The following SLC6A17 variants were observed in gnomAD, a reference collection of about 807,000 sequenced individuals.
The protein encoded by SLC6A17 is solute carrier family 6 member 17, also known as sodium-dependent neutral amino acid transporter SLC6A17.
In SLC6A17, 21 loss-of-function variants were observed where a neutral mutation model predicts 64.5. That is an observed-to-expected ratio of 0.33 (90% CI 0.23 to 0.47). The LOEUF (loss-of-function observed/expected upper bound fraction) is 0.47, where lower values mean the gene tolerates loss of function less well. Among genes scored for constraint, SLC6A17 ranks in the 20% least tolerant of loss-of-function variants. The pLI is 1.00. For synonymous variants in SLC6A17, 372 were observed against 399.5 expected (o/e 0.93, Z 0.82); for missense variants, 682 against 963.2 (o/e 0.71, Z 3.86).
In SLC6A17 at chr1:110,194,724, C is replaced by G; in HGVS notation, c.1445C>G (p.Thr482Ser). The G allele has an allele frequency of 6.2e-7, 1 of 1,614,172 alleles. No homozygotes were observed. Among genetic ancestry groups the G allele is most frequent in the Non-Finnish European group, 8.5e-7 (1 of 1,180,036 alleles). ...ATGATCGGGACCATGGCAGGCATCA[C>G]CACGCCCATCATCGACACCTTCAAG... The part of the protein sequence containing the change: ...GSMIGTMAGI[T>S]TPIIDTFKVP... The change falls in exon 9 of 12, where the codon ACC becomes AGC. Residue 482 changes from threonine (T) to serine (S), a missense_variant. Around this residue, in one of 3 missense-constraint regions of SLC6A17, gnomAD observed 264 missense variants for 339.5 expected, o/e 0.78. Coordinates refer to ENST00000331565, the MANE Select transcript of SLC6A17 (RefSeq NM_001010898.4).
At chr1:110,194,165 C>T (rs559751403) in intron 8 of SLC6A17, among the ~76,000 whole-genome samples, 8 of 152,298 alleles carry the variant, frequency 5.3e-5, no homozygotes, top group East Asian at 3.9e-4. Flanking sequence ...CATTGAGAGC[C>T]GAGGCTGAGA....
chr1:110,160,768 G>A (rs1215742102), intron 1 of SLC6A17, among the ~76,000 whole-genome samples: 1 of 152,186 alleles, frequency 6.6e-6, no homozygotes, highest in Non-Finnish European at 1.5e-5. Flanking sequence ...GGGAGGAAGT[G>A]GAAGCCGAGG....
At chr1:110,181,795 G>A (rs201871075) in intron 6 of SLC6A17, among the ~76,000 whole-genome samples, 2 of 8,510 alleles carry the variant, frequency 2.4e-4, no homozygotes, top group African/African-American at 1.2e-3. Context: ...AACAATGAGT[G>A]TGAAAAGGAC....
At chr1:110,167,388 A>T (rs1460989198) in intron 2 of SLC6A17, among the ~76,000 whole-genome samples, 173 bp downstream of exon 2, 4 of 152,148 alleles carry the variant, frequency 2.6e-5, no homozygotes, top group African/African-American at 7.2e-5. Flanking sequence ...AGCTACCAAG[A>T]GACTACAGGA....
intron 6 of SLC6A17, among the ~76,000 whole-genome samples, chr1:110,184,181 G>GC (rs1335292042): frequency 1.3e-5 from 2 of 152,138 alleles, no homozygotes; most frequent in Non-Finnish European, 2.9e-5. Flanking sequence ...CGTGATCTTG[G>GC]CTCACTGCAA....
At chr1:110,176,017 C>A (rs1489068498) in intron 5 of SLC6A17, among the ~76,000 whole-genome samples, 1 of 152,198 alleles carries the variant, frequency 6.6e-6, no homozygotes, top group Non-Finnish European at 1.5e-5. Flanking sequence ...ATTCTCTTAG[C>A]CTTTACACCA....
Position 110,192,188 on chromosome 1 carries a change from A to G in SLC6A17, c.1081A>G (p.Ile361Val), listed in dbSNP as rs758822378. 1.2e-6 allele frequency: 2 copies of G among 1,613,416 alleles called. No individual in the cohort carries two copies. Among genetic ancestry groups the G allele is most frequent in the African/African-American group, 1.3e-5 (1 of 74,914 alleles). The change falls in exon 7 of 12, where the codon ATC becomes GTC. Residue 361 changes from isoleucine to valine, a missense_variant. This residue lies in a region of SLC6A17 where 415 missense variants were observed against 603.8 expected (regional missense o/e 0.69). Coordinates refer to ENST00000331565, the MANE Select transcript of SLC6A17 (RefSeq NM_001010898.4). This position sits in a 1 kb window ranked among gnomAD's most constrained non-coding sequence, Gnocchi z 4.3. ...TGCTGTGCTGGGCTTCAAGGCCAAC[A>G]TCATGAATGAGAAGTGTGTGGTCGA... ...VFAVLGFKAN[I>V]MNEKCVVENA...
chr1:110,156,675 C>T (rs1557828387), intron 1 of SLC6A17, among the ~76,000 whole-genome samples: 1 of 152,156 alleles, frequency 6.6e-6, no homozygotes, highest in Non-Finnish European at 1.5e-5. Flanking sequence ...CACATGTAAG[C>T]ACAGTGGGTC....
chr1:110,180,034 G>A (rs997625774), intron 6 of SLC6A17, among the ~76,000 whole-genome samples: 2 of 152,178 alleles, frequency 1.3e-5, no homozygotes, highest in Non-Finnish European at 2.9e-5. Flanking sequence ...GATCCCTTGA[G>A]TCTAAGAGTT....
chr1:110,174,977 G>T lies in SLC6A17; in HGVS notation c.753+17G>T, dbSNP rs377380238. ...TCGGGGAAGGTGAGTGCTGAGGGGG[G>T]CACCCAGGACCCAAATGGGGAACAG... On this transcript the variant is annotated intron_variant, in intron 5 of 11. Transcript: ENST00000331565. The T allele has an allele frequency of 1.1e-5, 18 of 1,607,782 alleles. No individual in the cohort carries two copies. The African/African-American group carries it at 2.0e-4, about 18-fold the overall frequency.
intron 1 of SLC6A17, among the ~76,000 whole-genome samples, chr1:110,155,324 T>A (rs984041852): frequency 6.7e-6 from 1 of 148,914 alleles, no homozygotes; most frequent in South Asian, 2.1e-4. Flanking sequence ...GCAAATCCAG[T>A]TTTTTTTAAA....
chr1:110,191,651 T>C (rs1275597630), intron 6 of SLC6A17, among the ~76,000 whole-genome samples: 1 of 152,212 alleles, frequency 6.6e-6, no homozygotes, highest in Non-Finnish European at 1.5e-5. Context: ...TGACCATATG[T>C]GATGGCCTTG....
At chr1:110,191,930 C>T in intron 6 of SLC6A17, 42 bp from the exon 7 acceptor site, 1 of 1,597,150 alleles carries the variant, frequency 6.3e-7, no homozygotes, top group Non-Finnish European at 8.5e-7. Flanking sequence ...ACCATCCCCT[C>T]TGTGTCTCTT....
rs1182996832 is a variant in SLC6A17 at position 110,166,903 on chromosome 1, C to T, written c.-27C>T. 1 of 1,575,858 alleles carries T rather than the reference C, an allele frequency of 6.3e-7. No individual in the cohort carries two copies. Among genetic ancestry groups the T allele is most frequent in the Non-Finnish European group, 8.6e-7 (1 of 1,156,424 alleles). On this transcript the variant is annotated 5_prime_UTR_variant, in exon 2 of 12. Transcript: ENST00000331565. ...TCCATCTTCTCTGTGTGCTGGGGAG[C>T]AGGGCTACACGGCCCAGGTGGCATC...
chr1:110,189,917 G>A (rs1656782404), intron 6 of SLC6A17, among the ~76,000 whole-genome samples: 1 of 152,196 alleles, frequency 6.6e-6, no homozygotes, highest in African/African-American at 2.4e-5. Context: ...CAAGCACTGG[G>A]TGCCCAGCCT....
intron 1 of SLC6A17, among the ~76,000 whole-genome samples, chr1:110,155,627 G>T (rs1478726670): frequency 6.6e-6 from 1 of 152,172 alleles, no homozygotes. Flanking sequence ...ATTAGCTGCA[G>T]TTGTCCCACT....
At chr1:110,180,916 C>G (rs1656505699) in intron 6 of SLC6A17, among the ~76,000 whole-genome samples, 1 of 152,092 alleles carries the variant, frequency 6.6e-6, no homozygotes, top group Non-Finnish European at 1.5e-5. Context: ...ACCTGGAAGG[C>G]CTTCCCTTCC....
intron 6 of SLC6A17, among the ~76,000 whole-genome samples, chr1:110,182,412 T>C (rs1395331269): frequency 6.6e-6 from 1 of 151,942 alleles, no homozygotes; most frequent in Non-Finnish European, 1.5e-5. Flanking sequence ...GAGGAGGCAG[T>C]TGGATGTATG....
At chr1:110,195,543 C>G in intron 9 of SLC6A17, 43 bp from the exon 10 acceptor site, 1 of 1,609,868 alleles carries the variant, frequency 6.2e-7, no homozygotes, top group African/African-American at 1.3e-5. Context: ...GCCCTGCCCA[C>G]CCTGCACCTT....
Sources: allele counts gnomAD v4.1 joint callset (sites outside exome capture counted in the v4.1 genomes callset), GRCh38; gene constraint gnomAD v4.1.1; regional missense constraint gnomAD v4.1.1; non-coding constraint Gnocchi (gnomAD v3.1); transcripts MANE v1.5; gene names NCBI Gene and HGNC (gene_info 2026-07-23, HGNC 2026-07-21).